RPS6KA2: variants seen among roughly 807,000 people sequenced by gnomAD.
RPS6KA2 encodes the protein ribosomal protein S6 kinase alpha-2.
RPS6KA2 carries 42 observed loss-of-function variants against 91.8 expected under a neutral mutation model. The ratio of observed to expected loss-of-function variants is 0.46; its 90% CI spans 0.36 to 0.59. The LOEUF (loss-of-function observed/expected upper bound fraction) is 0.59, where lower values mean the gene tolerates loss of function less well. RPS6KA2 is among the 20% of genes least tolerant of loss of function. RPS6KA2 has a pLI of 0.00. For missense variants in RPS6KA2, 798 were observed against 978.5 expected, an observed-to-expected ratio of 0.82 and a Z score of 2.46; for synonymous variants, 414 against 393.6, an observed-to-expected ratio of 1.05 and a Z score of -0.61.
Position 166,493,131 on chromosome 6 carries a change from G to A in RPS6KA2, c.748-2390C>T, listed in dbSNP as rs985447570. ...CTCCCCTTCTTCCTCCATCCATATG[G>A]TAGGAGGTCCCCAACCATCTACTCA... On this transcript the variant is annotated intron_variant, in intron 8 of 20. Transcript: ENST00000265678. This position sits in a 1 kb window ranked among gnomAD's most constrained non-coding sequence, Gnocchi z 4.7. Among the ~76,000 whole-genome samples, 6 of 151,994 alleles carry A rather than the reference G, an allele frequency of 3.9e-5. No homozygotes were observed. Among genetic ancestry groups the A allele is most frequent in the Non-Finnish European group, 5.9e-5 (4 of 67,994 alleles).
In RPS6KA2 at chr6:166,787,197, G is replaced by A. The variant is rs531429960; in HGVS notation, c.123+71003C>T. ...AAGATAAAGACTGATGTATGTGGAT[G>A]TTTATCATAGTGTTTTTTTTATCAT... is the stretch of plus-strand genomic sequence containing the variant. On this transcript the variant is annotated intron_variant, in intron 2 of 21. Coordinates refer to the RPS6KA2 transcript ENST00000503859. Among the ~76,000 whole-genome samples, 115 of 152,246 alleles carry A rather than the reference G, an allele frequency of 7.6e-4. 1 individual carries two copies. The highest frequency in any genetic ancestry group is 2.5e-4 in the Non-Finnish European group (17 of 68,024).
chr6:166,415,159 CACAATA>C (rs537022560), intron 19 of RPS6KA2, among the ~76,000 whole-genome samples: 102 of 152,320 alleles, frequency 6.7e-4, no homozygotes, highest in Middle Eastern at 6.8e-3. Flanking sequence ...AAATACTATG[CACAATA>C]ACAATATCTT....
chr6:166,541,215 C>T (rs1426417415), intron 1 of RPS6KA2, among the ~76,000 whole-genome samples: 1 of 152,226 alleles, frequency 6.6e-6, no homozygotes, highest in Non-Finnish European at 1.5e-5. Flanking sequence ...AGCATGGCAA[C>T]GGCCACACTG....
At chr6:166,807,461 C>G (rs935517186) in intron 2 of RPS6KA2, among the ~76,000 whole-genome samples, 2 of 152,154 alleles carry the variant, frequency 1.3e-5, no homozygotes, top group Non-Finnish European at 1.5e-5. Flanking sequence ...GGTTGCAGGT[C>G]TCCCCGCTTC....
At chr6:166,420,021 T>C (rs1019212405) in intron 17 of RPS6KA2, 63 bp from the exon 18 acceptor site, 20 of 1,497,414 alleles carry the variant, frequency 1.3e-5, no homozygotes, top group Non-Finnish European at 1.8e-5. Flanking sequence ...TGACAGCACG[T>C]TTCTCCAGCG....
intron 1 of RPS6KA2, among the ~76,000 whole-genome samples, chr6:166,605,052 C>A (rs1039511865): frequency 2.0e-5 from 3 of 151,998 alleles, no homozygotes; most frequent in South Asian, 2.1e-4. Context: ...GGCTTCACTG[C>A]GACCACGTGG....
chr6:166,419,748 G>C lies in RPS6KA2; in HGVS notation c.1820+134C>G, dbSNP rs972451945. 7.3e-6 allele frequency: 5 copies of C among 685,666 alleles called. No homozygotes were observed. The highest frequency in any genetic ancestry group is 1.3e-5 in the Non-Finnish European group (5 of 381,692). The allele number at this position is 685,666 out of a possible 1,614,324, so 42.5% of individuals were successfully genotyped here. ...CTGCGAGTGTTCACTCAAGGCCTGGGAGTGTTTGCATACACGTTGGGTTTG... is the reference window on the plus strand; with the variant it reads ...CTGCGAGTGTTCACTCAAGGCCTGGCAGTGTTTGCATACACGTTGGGTTTG... On this transcript the variant is annotated intron_variant, in intron 18 of 20. Transcript: ENST00000265678. The surrounding 1 kb of genome is among the most constrained non-coding windows in gnomAD (Gnocchi z 5.6).
At chr6:166,535,985 G>A (rs996930404) in intron 2 of RPS6KA2, among the ~76,000 whole-genome samples, 3 of 152,242 alleles carry the variant, frequency 2.0e-5, no homozygotes, top group Non-Finnish European at 4.4e-5. Flanking sequence ...GAGCCTAAGC[G>A]GCTCACACAG....
chr6:166,681,479 CT>C (rs1206679305), intron 2 of RPS6KA2, among the ~76,000 whole-genome samples: 1 of 152,194 alleles, frequency 6.6e-6, no homozygotes, highest in East Asian at 1.9e-4. Context: ...TCTCCTACCC[CT>C]AATTCCTCTC....
At chr6:166,714,421 A>G (rs1440637319) in intron 2 of RPS6KA2, among the ~76,000 whole-genome samples, 2 of 152,224 alleles carry the variant, frequency 1.3e-5, no homozygotes, top group Admixed American at 6.5e-5. Context: ...GTTGAATTGT[A>G]TACCCTCAAA....
chr6:166,772,016 GT>G (rs1778486052), intron 2 of RPS6KA2, among the ~76,000 whole-genome samples: 1 of 148,318 alleles, frequency 6.7e-6, no homozygotes. Context: ...TCATAGCTCT[GT>G]TTGTTTTATG....
chr6:166,647,324 C>T lies in RPS6KA2; in HGVS notation c.124-108540G>A, dbSNP rs1364574296. On this transcript the variant is annotated intron_variant, in intron 2 of 21. Transcript: ENST00000503859. ...TTTGATCGCTCTGTCACCACACGCC[C>T]GCCTCGTCCCCATGGCCGCAATGGC... 5.9e-5 allele frequency among the ~76,000 whole-genome samples: 9 copies of T among 152,180 alleles called. No individual in the cohort carries two copies. The South Asian group carries it at 8.3e-4, about 14-fold the overall frequency.
chr6:166,807,381 C>T (rs983649096), intron 2 of RPS6KA2, among the ~76,000 whole-genome samples: 33 of 152,296 alleles, frequency 2.2e-4, no homozygotes, highest in African/African-American at 7.9e-4. Flanking sequence ...TATACCCACA[C>T]ATGTGTTCTT....
chr6:166,788,048 C>T (rs9459754), intron 2 of RPS6KA2, among the ~76,000 whole-genome samples: 52,376 of 148,670 alleles, frequency 0.35, 9,789 homozygotes, highest in African/African-American at 0.48. Context: ...CAAAAAAAGA[C>T]ATTTATGCAG....
At chr6:166,701,516 T>C in intron 2 of RPS6KA2, 1 of 1,416,606 alleles carries the variant, frequency 7.1e-7, no homozygotes, top group East Asian at 2.3e-5. Context: ...GCAATCTTAC[T>C]TGAAGCTCCA....
At chr6:166,518,420 A>G (rs1459787318) in intron 3 of RPS6KA2, among the ~76,000 whole-genome samples, 1 of 152,146 alleles carries the variant, frequency 6.6e-6, no homozygotes, top group African/African-American at 2.4e-5. Context: ...AAGATTATAA[A>G]ATTAAAAGGC....
chr6:166,698,004 T>C (rs1406155981), intron 2 of RPS6KA2, among the ~76,000 whole-genome samples: 1 of 151,964 alleles, frequency 6.6e-6, no homozygotes, highest in Non-Finnish European at 1.5e-5. Flanking sequence ...AAAGAGTCGA[T>C]AGTTAAATCT....
At chr6:166,653,035 C>T (rs1787905299) in intron 2 of RPS6KA2, among the ~76,000 whole-genome samples, 1 of 152,198 alleles carries the variant, frequency 6.6e-6, no homozygotes, top group African/African-American at 2.4e-5. Flanking sequence ...CTAGGCATTG[C>T]CCATTATTCC....
intron 2 of RPS6KA2, among the ~76,000 whole-genome samples, chr6:166,661,999 A>C (rs1356163342): frequency 6.6e-6 from 1 of 152,232 alleles, no homozygotes; most frequent in East Asian, 1.9e-4. Flanking sequence ...CTCCAGTTCA[A>C]TTCCTCGTTA....
Sources: allele counts gnomAD v4.1 joint callset (sites outside exome capture counted in the v4.1 genomes callset), GRCh38; gene constraint gnomAD v4.1.1; non-coding constraint Gnocchi (gnomAD v3.1); transcripts MANE v1.5; gene names NCBI Gene and HGNC (gene_info 2026-07-23, HGNC 2026-07-21).